ITGB1: variants seen among roughly 807,000 people sequenced by gnomAD.
ITGB1 encodes the protein integrin beta-1.
ITGB1 carries 24 observed loss-of-function variants against 86.5 expected under a neutral mutation model. The observed-to-expected ratio is 0.28, with a 90% confidence interval of 0.20 to 0.39. ITGB1 has a LOEUF of 0.39. ITGB1 is among the 10% of genes least tolerant of loss of function. The pLI is 1.00. For synonymous variants in ITGB1, 323 were observed against 316.8 expected (o/e 1.02, Z -0.21); for missense variants, 556 against 946.9 (o/e 0.59, Z 5.42).
chr10:32,947,845 T>C (rs1214614283), intron 1 of ITGB1, among the ~76,000 whole-genome samples: 2 of 152,202 alleles, frequency 1.3e-5, no homozygotes, highest in African/African-American at 2.4e-5. Flanking sequence ...ATTTACCTTG[T>C]AGGGGTTTTG....
At chr10:32,929,314 G>C (rs2094975705) in intron 4 of ITGB1, among the ~76,000 whole-genome samples, 1 of 152,158 alleles carries the variant, frequency 6.6e-6, no homozygotes. Flanking sequence ...GAGGGGCCGG[G>C]AGGGAAGTCA....
chr10:32,914,463 A>G (rs576263960), intron 11 of ITGB1, among the ~76,000 whole-genome samples: 18 of 152,184 alleles, frequency 1.2e-4, no homozygotes, highest in Non-Finnish European at 2.5e-4. Flanking sequence ...TAAAGGGATG[A>G]AGGAAGATCT....
rs2094977290 is a variant in ITGB1 at position 32,929,819 on chromosome 10, T to C, written c.376+3A>G. ...AGGTATTCACAGAGTTGGGCTTCCA[T>C]ACCTGATCTTAATCGCAAAACCAAC... On this transcript the variant is annotated splice_donor_region_variant and intron_variant, in intron 4 of 15. Coordinates refer to ENST00000302278, the MANE Select transcript of ITGB1 (RefSeq NM_002211.4). The C allele has an allele frequency of 1.9e-6, 3 of 1,563,262 alleles. No homozygotes were observed. The highest frequency in any genetic ancestry group is 2.6e-6 in the Non-Finnish European group (3 of 1,133,678).
At chr10:32,935,585 AG>A (rs1189150122) in intron 1 of ITGB1, 27 bp from the exon 2 acceptor site, 1 of 1,490,788 alleles carries the variant, frequency 6.7e-7, no homozygotes, top group East Asian at 2.3e-5. Flanking sequence ...GCCTTATATT[AG>A]TTATAAAGAA....
intron 1 of ITGB1, among the ~76,000 whole-genome samples, chr10:32,940,832 T>G (rs1460544110): frequency 6.6e-6 from 1 of 152,224 alleles, no homozygotes; most frequent in Non-Finnish European, 1.5e-5. Flanking sequence ...TGTAAGACTA[T>G]TCACCATTCT....
In ITGB1 at chr10:32,910,529, A is replaced by G. The variant is rs574424977; in HGVS notation, c.1932-74T>C. 7 of 1,029,444 alleles carry G rather than the reference A, an allele frequency of 6.8e-6. No homozygotes were observed. The African/African-American group carries it at 1.1e-4, about 17-fold the overall frequency. 63.8% of individuals were successfully genotyped at this position (1,029,444 alleles called of 1,614,324 possible). A position where few individuals can be genotyped will look rare whatever the true frequency, so the allele number is the denominator to read the frequency against. ...AAATATTTGCTTAAACATATTTCCC[A>G]TGCTAAACTCTTGTGACCAAATTGA... On this transcript the variant is annotated intron_variant, in intron 13 of 15. Transcript: ENST00000302278.
At chr10:32,909,177 A>C (rs1048318272) in intron 14 of ITGB1, among the ~76,000 whole-genome samples, 6 of 152,236 alleles carry the variant, frequency 3.9e-5, no homozygotes, top group Admixed American at 3.3e-4. Context: ...ACACTCAGAT[A>C]CATGGAACAG....
intron 3 of ITGB1, 152 bp downstream of exon 3, chr10:32,932,363 T>C (rs1352538956): frequency 5.9e-6 from 3 of 507,284 alleles, no homozygotes; most frequent in African/African-American, 3.9e-5. Context: ...ATCTGCCTAG[T>C]GGCTACTGTG....
At position 32,918,954 on chromosome 10, in the gene ITGB1, G is replaced by A. The variant is rs114801888; in HGVS notation, c.1469+931C>T. ...ATTTTTAGAACACATAATGCTCATG[G>A]ACACTGACTGCACTGATTCTGTATC... is the stretch of plus-strand genomic sequence containing the variant. On this transcript the variant is annotated intron_variant, in intron 11 of 15. Transcript: ENST00000302278. Among the ~76,000 whole-genome samples, 1,101 of 152,214 alleles carry A rather than the reference G, an allele frequency of 7.2e-3. 17 individuals are homozygous for A. The highest frequency in any genetic ancestry group is 0.024 in the African/African-American group (979 of 41,526).
intron 11 of ITGB1, among the ~76,000 whole-genome samples, chr10:32,918,422 C>G (rs1394396686): frequency 6.6e-6 from 1 of 151,836 alleles, no homozygotes; most frequent in African/African-American, 2.4e-5. Flanking sequence ...GAAAATAAAA[C>G]TATAAAAAAT....
At position 32,927,432 on chromosome 10, in the gene ITGB1, C is replaced by T. The variant is rs556481668; in HGVS notation, c.547+662G>A. ...AGGTCTAAGATGAGATCAGGCTGTA[C>T]GGGCAGGTGCAGACATACTAATTAG... On this transcript the variant is annotated intron_variant, in intron 5 of 15. Coordinates refer to ENST00000302278, the MANE Select transcript of ITGB1 (RefSeq NM_002211.4). Among the ~76,000 whole-genome samples the T allele has an allele frequency of 1.6e-4, 24 of 152,262 alleles. No homozygotes were observed. In the South Asian group the frequency reaches 3.9e-3, roughly 25 times the overall value.
chr10:32,945,531 G>A (rs2095029489), intron 1 of ITGB1, among the ~76,000 whole-genome samples: 1 of 152,048 alleles, frequency 6.6e-6, no homozygotes, highest in Non-Finnish European at 1.5e-5. Flanking sequence ...CCTGGGAGGT[G>A]GAGCTTGCAG....
rs1385169450 is a variant in ITGB1, at chr10:32,946,755, G to C, written c.1-11197C>G. Among the ~76,000 whole-genome samples, 33 of 107,208 alleles carry C rather than the reference G, an allele frequency of 3.1e-4. 1 individual carries two copies. The highest frequency in any genetic ancestry group is 3.2e-4 in the South Asian group (1 of 3,132). The allele number at this position is 107,208 out of a possible 152,430, so 70.3% of individuals were successfully genotyped here. On this transcript the variant is annotated intron_variant, in intron 1 of 15. Transcript: ENST00000302278. ...AGTGGTTTGTATGTATTTCTGGGGG[G>C]GGGGGGGGGATTATTTTCCTTTTCT...
intron 11 of ITGB1, among the ~76,000 whole-genome samples, chr10:32,917,894 C>T (rs993352695): frequency 3.3e-5 from 5 of 151,998 alleles, no homozygotes; most frequent in Non-Finnish European, 7.4e-5. Flanking sequence ...CACGTGCACA[C>T]GTATGTTTAC....
chr10:32,907,162 T>A (rs1210808610), intron 15 of ITGB1: 1 of 1,068,908 alleles, frequency 9.4e-7, no homozygotes, highest in Non-Finnish European at 1.3e-6. Flanking sequence ...AAAGAAATAG[T>A]TTCTAATGAT....
At chr10:32,907,992 G>C (rs2094901849) in intron 15 of ITGB1, among the ~76,000 whole-genome samples, 2 of 152,092 alleles carry the variant, frequency 1.3e-5, no homozygotes, top group South Asian at 4.1e-4. Flanking sequence ...TTTCACTGAA[G>C]GTTTTTTTTG....
At chr10:32,939,118 A>G (rs1328559014) in intron 1 of ITGB1, among the ~76,000 whole-genome samples, 1 of 152,202 alleles carries the variant, frequency 6.6e-6, no homozygotes, top group Admixed American at 6.5e-5. Context: ...TGGATGCCCT[A>G]GGCTTAAAAT....
At chr10:32,914,741 C>T (rs576456366) in intron 11 of ITGB1, among the ~76,000 whole-genome samples, 1 of 152,218 alleles carries the variant, frequency 6.6e-6, no homozygotes, top group African/African-American at 2.4e-5. Flanking sequence ...ACATTGTCAA[C>T]ATTAGACAGA....
rs761506383 is a variant in ITGB1, at chr10:32,919,876, C to T, written c.1469+9G>A. 11 of 1,613,264 alleles carry T rather than the reference C, an allele frequency of 6.8e-6. No homozygotes were observed. Among genetic ancestry groups the T allele is most frequent in the Admixed American group, 3.3e-5 (2 of 59,954 alleles). ...TAGCTCTGTCACTGTCTGACAACAC[C>T]CAGCTTACCTGCACGCGCCACACTC... On this transcript the variant is annotated intron_variant, in intron 11 of 15. Transcript: ENST00000302278.
Sources: gnomAD v4.1 joint callset for allele counts (sites outside exome capture counted in the v4.1 genomes callset) on GRCh38, gnomAD v4.1.1 for gene constraint, MANE v1.5 for transcripts, NCBI Gene and HGNC (gene_info 2026-07-23, HGNC 2026-07-21) for gene names.